AXDND1: variants seen among roughly 807,000 people sequenced by gnomAD.
AXDND1 encodes the protein axonemal dynein light chain domain-containing protein 1.
Under a neutral mutation model 137.5 loss-of-function variants are expected in AXDND1, and 110 were observed. The observed-to-expected ratio is 0.80, with a 90% CI of 0.69 to 0.94. AXDND1 has a LOEUF of 0.94. Among genes scored for constraint, AXDND1 ranks in the 40% least tolerant of loss-of-function variants. The pLI is 0.00. For missense variants in AXDND1, 1,191 were observed against 1,169.8 expected (o/e 1.02, Z -0.26); for synonymous variants, 414 against 399.7 (o/e 1.04, Z -0.43).
In AXDND1 at chr1:179,445,251, C is replaced by T. The variant is rs745660783; in HGVS notation, c.1798+47C>T. 4.1e-6 allele frequency: 5 copies of T among 1,217,530 alleles called. No individual in the cohort carries two copies. In the South Asian group the frequency reaches 7.0e-5, roughly 17 times the overall value. The allele number at this position is 1,217,530 out of a possible 1,614,324, so 75.4% of individuals were successfully genotyped here. A position where few individuals can be genotyped will look rare whatever the true frequency, so the allele number is the denominator to read the frequency against. ...TTAGATTTCTTGGTATAAAATGTTTCCACAATAATTATTTTCAATACAATG... is the reference window on the plus strand; with the variant it reads ...TTAGATTTCTTGGTATAAAATGTTTTCACAATAATTATTTTCAATACAATG... On this transcript the variant is annotated intron_variant, in intron 16 of 25. Coordinates refer to ENST00000367618, the MANE Select transcript of AXDND1 (RefSeq NM_144696.6).
chr1:179,368,418 G>C (rs911740639), intron 2 of AXDND1, among the ~76,000 whole-genome samples: 1 of 152,128 alleles, frequency 6.6e-6, no homozygotes, highest in Non-Finnish European at 1.5e-5. Flanking sequence ...TAATTTGACA[G>C]CTTGGGGGGA....
Position 179,383,485 on chromosome 1 carries a change from A to T in AXDND1, c.682A>T (p.Met228Leu). The T allele has an allele frequency of 6.2e-7, 1 of 1,614,104 alleles. No homozygotes were observed. The highest frequency in any genetic ancestry group is 8.5e-7 in the Non-Finnish European group (1 of 1,179,976). The change falls in exon 8 of 26, where the codon ATG becomes TTG. Residue 228 changes from methionine (M) to leucine (L), a missense_variant. Coordinates refer to ENST00000367618, the MANE Select transcript of AXDND1 (RefSeq NM_144696.6). ...AGAAGTGGCCCAGCTGAATGATGTG[A>T]TGGATACTATGCTAGAGAGGGCTGG... ...RVEVAQLNDV[M>L]DTMLERAGVE...
At chr1:179,385,948 T>C (rs1261527833) in intron 9 of AXDND1, among the ~76,000 whole-genome samples, 1 of 152,156 alleles carries the variant, frequency 6.6e-6, no homozygotes, top group Non-Finnish European at 1.5e-5. Flanking sequence ...GTTGCCCTAC[T>C]CTCATTTGCA....
At chr1:179,479,643 G>C in intron 17 of AXDND1, among the ~76,000 whole-genome samples, 1 of 152,030 alleles carries the variant, frequency 6.6e-6, no homozygotes, top group East Asian at 1.9e-4. Context: ...TGGGCATGGT[G>C]GTGGGTGCCT....
At chr1:179,447,683 C>T in intron 16 of AXDND1, 1 of 1,349,406 alleles carries the variant, frequency 7.4e-7, no homozygotes, top group South Asian at 1.2e-5. Context: ...TTACTGCCAC[C>T]TGGTGGAGGG....
intron 21 of AXDND1, among the ~76,000 whole-genome samples, chr1:179,518,216 A>G (rs1481043723): frequency 6.6e-6 from 1 of 152,146 alleles, no homozygotes; most frequent in Non-Finnish European, 1.5e-5. Flanking sequence ...GGTTAATATG[A>G]ACAGGGCTGA....
chr1:179,485,236 C>T (rs140578594), intron 18 of AXDND1, among the ~76,000 whole-genome samples: 26 of 152,310 alleles, frequency 1.7e-4, no homozygotes, highest in East Asian at 9.6e-4. Flanking sequence ...TAAACAAGCA[C>T]GGATCCCACT....
chr1:179,382,301 G>C, intron 6 of AXDND1, among the ~76,000 whole-genome samples: 1 of 151,738 alleles, frequency 6.6e-6, no homozygotes, highest in East Asian at 1.9e-4. Context: ...GGCTGGTTTC[G>C]AACTCCTGAC....
chr1:179,449,832 A>G (rs1236546075), intron 16 of AXDND1: 1 of 152,032 alleles, frequency 6.6e-6, no homozygotes, highest in African/African-American at 2.4e-5. Flanking sequence ...TAGAAATAGA[A>G]TTGATTTTGT....
chr1:179,375,594 A>T (rs1021665610), intron 4 of AXDND1, among the ~76,000 whole-genome samples: 1 of 142,928 alleles, frequency 7.0e-6, no homozygotes, highest in African/African-American at 2.5e-5. Flanking sequence ...ATATATGTAT[A>T]TAATATATGC....
intron 20 of AXDND1, among the ~76,000 whole-genome samples, chr1:179,499,519 A>G (rs1281771839): frequency 6.6e-6 from 1 of 152,172 alleles, no homozygotes; most frequent in Non-Finnish European, 1.5e-5. Flanking sequence ...TAACAGGTAC[A>G]GGCTTTCTTG....
chr1:179,373,557 C>T (rs575998413), intron 4 of AXDND1, among the ~76,000 whole-genome samples: 23 of 152,240 alleles, frequency 1.5e-4, no homozygotes, highest in East Asian at 5.8e-4. Flanking sequence ...GGAGGCATCA[C>T]GCTACCTGAC....
chr1:179,411,696 A>T (rs1449075975), intron 12 of AXDND1, among the ~76,000 whole-genome samples: 1 of 151,696 alleles, frequency 6.6e-6, no homozygotes, highest in Non-Finnish European at 1.5e-5. Flanking sequence ...GGCAGAATCT[A>T]TGAAATATGA....
chr1:179,519,699 C>G (rs531809991), intron 21 of AXDND1, among the ~76,000 whole-genome samples: 2 of 151,890 alleles, frequency 1.3e-5, no homozygotes, highest in African/African-American at 4.8e-5. Context: ...GATGGTTTGT[C>G]GGTGTGAAGT....
At chr1:179,493,224 T>C (rs1038896172) in intron 20 of AXDND1, among the ~76,000 whole-genome samples, 4 of 152,226 alleles carry the variant, frequency 2.6e-5, no homozygotes, top group Admixed American at 6.5e-5. Flanking sequence ...AGATTTTTTT[T>C]ATTTTCTAGA....
chr1:179,527,911 C>T (rs114804026), intron 22 of AXDND1, among the ~76,000 whole-genome samples: 6,671 of 152,178 alleles, frequency 0.044, 199 homozygotes, highest in Admixed American at 0.079. Context: ...AGCACCTGTT[C>T]GGCCTTTAAA....
chr1:179,448,756 T>C (rs1288187331), intron 16 of AXDND1: 1 of 163,698 alleles, frequency 6.1e-6, no homozygotes, highest in Non-Finnish European at 1.3e-5. Context: ...TTTTATTTTC[T>C]TTTTTGTTTG....
chr1:179,549,500 T>C (rs112932278), intron 25 of AXDND1, among the ~76,000 whole-genome samples: 1 of 152,252 alleles, frequency 6.6e-6, no homozygotes, highest in East Asian at 1.9e-4. Context: ...TCCCCAGATA[T>C]GCAAGCAAAA....
intron 16 of AXDND1, chr1:179,456,313 C>G (rs1355939935): frequency 1.3e-5 from 10 of 750,312 alleles, no homozygotes; most frequent in Admixed American, 3.4e-5. Flanking sequence ...TGGCCTCCAC[C>G]ACCACAGGGG....
Sources: gnomAD v4.1 joint callset for allele counts (sites outside exome capture counted in the v4.1 genomes callset) on GRCh38, gnomAD v4.1.1 for gene constraint, MANE v1.5 for transcripts, NCBI Gene and HGNC (gene_info 2026-07-23, HGNC 2026-07-21) for gene names.